RALGAPA1: variants seen among roughly 807,000 people sequenced by gnomAD.
RALGAPA1 encodes the protein Ral GTPase activating protein catalytic subunit alpha 1.
RALGAPA1 carries 52 observed loss-of-function variants against 269.6 expected under a neutral mutation model. The observed-to-expected ratio is 0.19, with a 90% CI of 0.15 to 0.24. RALGAPA1 has a LOEUF of 0.24. Among genes scored for constraint, RALGAPA1 ranks in the 10% least tolerant of loss-of-function variants. The pLI is 1.00. For synonymous variants in RALGAPA1, 817 were observed against 1,008.3 expected, an observed-to-expected ratio of 0.81 and a Z score of 3.60; for missense variants, 1,917 against 3,013.9, an observed-to-expected ratio of 0.64 and a Z score of 8.52.
chr14:35,709,764 T>C (rs1372520356), intron 16 of RALGAPA1, among the ~76,000 whole-genome samples: 2 of 152,220 alleles, frequency 1.3e-5, no homozygotes, highest in Non-Finnish European at 2.9e-5. Context: ...TAGTTCAAAA[T>C]ATTCTACAAT....
chr14:35,658,153 T>C (rs2087833152), intron 28 of RALGAPA1, among the ~76,000 whole-genome samples: 1 of 152,182 alleles, frequency 6.6e-6, no homozygotes, highest in Non-Finnish European at 1.5e-5. Context: ...AACAATATTA[T>C]ACGAAAATCC....
At chr14:35,541,876 T>C (rs1314350915) in intron 41 of RALGAPA1, 1 of 470,590 alleles carries the variant, frequency 2.1e-6, no homozygotes. Context: ...ATAACAGATA[T>C]GAGAGACACA....
At chr14:35,794,513 G>A (rs1182512950) in intron 1 of RALGAPA1, among the ~76,000 whole-genome samples, 4 of 152,226 alleles carry the variant, frequency 2.6e-5, no homozygotes, top group Admixed American at 2.0e-4. Context: ...CTGGAGTGCA[G>A]TGGCGCAGTC....
chr14:35,668,703 T>C (rs1393519822), intron 26 of RALGAPA1, among the ~76,000 whole-genome samples: 1 of 151,918 alleles, frequency 6.6e-6, no homozygotes, highest in East Asian at 1.9e-4. Flanking sequence ...CTACTTGGGA[T>C]CTGTTGTGGG....
intron 16 of RALGAPA1, among the ~76,000 whole-genome samples, chr14:35,711,507 G>A (rs1201444387): frequency 1.3e-5 from 2 of 152,172 alleles, no homozygotes; most frequent in Non-Finnish European, 2.9e-5. Context: ...GAGTGCGGTG[G>A]CATAATCTCC....
At chr14:35,628,749 T>C (rs1174364086) in intron 33 of RALGAPA1, among the ~76,000 whole-genome samples, 2 of 152,232 alleles carry the variant, frequency 1.3e-5, no homozygotes, top group African/African-American at 4.8e-5. Context: ...ATTTGCTGGA[T>C]CTACTTATAT....
At chr14:35,678,747 G>C (rs564495260) in intron 21 of RALGAPA1, among the ~76,000 whole-genome samples, 19 of 152,148 alleles carry the variant, frequency 1.2e-4, no homozygotes, top group Middle Eastern at 3.4e-3. Context: ...TCTAGTCATA[G>C]AAAGTAAACT....
chr14:35,689,398 G>C lies in RALGAPA1; in HGVS notation c.3013C>G (p.Leu1005Val). 2 of 1,232,112 alleles carry C rather than the reference G, an allele frequency of 1.6e-6. No individual in the cohort carries two copies. Among genetic ancestry groups the C allele is most frequent in the Non-Finnish European group, 2.0e-6 (2 of 987,984 alleles). The allele number at this position is 1,232,112 out of a possible 1,614,324, so 76.3% of individuals were successfully genotyped here. Residue 1005 changes from leucine (L) to valine (V), a missense_variant, in exon 18 of 42, where the codon CTA becomes GTA. Transcript: ENST00000680220. ...GAGTTTGGTTCTTTCTGAAACTGTAGGTTTTCAGGAGTCCCAACAAAAGAG... is the reference window on the plus strand; with the variant it reads ...GAGTTTGGTTCTTTCTGAAACTGTACGTTTTCAGGAGTCCCAACAAAAGAG... ...ITSFVGTPEN[L>V]QFQKEPNSAV... is the part of the protein sequence containing the mutation.
chr14:35,584,814 T>C (rs2058175287), intron 37 of RALGAPA1, among the ~76,000 whole-genome samples: 1 of 151,476 alleles, frequency 6.6e-6, no homozygotes, highest in African/African-American at 2.4e-5. Flanking sequence ...CAGACAAAAA[T>C]AGAAAACAGT....
At chr14:35,801,792 A>G (rs984661908) in intron 1 of RALGAPA1, among the ~76,000 whole-genome samples, 1 of 152,158 alleles carries the variant, frequency 6.6e-6, no homozygotes, top group Non-Finnish European at 1.5e-5. Context: ...AGTTAGGATC[A>G]TATTATACAG....
rs187004703 is a variant in RALGAPA1 at position 35,690,466 on chromosome 14, T to C, written c.2408-463A>G. Among the ~76,000 whole-genome samples, 58 of 152,360 alleles carry C rather than the reference T, an allele frequency of 3.8e-4. No homozygotes were observed. In the East Asian group the frequency reaches 5.6e-3, roughly 15 times the overall value. On this transcript the variant is annotated intron_variant, in intron 17 of 41. Coordinates refer to ENST00000680220, the MANE Select transcript of RALGAPA1 (RefSeq NM_001346249.2). The stretch of plus-strand genomic sequence containing the variant: ...TTCCTTCCCAAAAAGGCAAGAGGCA[T>C]CTTTTCTTCAAATTTTGCTTCTCTG...
At chr14:35,563,207 C>G (rs915540095) in intron 39 of RALGAPA1, among the ~76,000 whole-genome samples, 1 of 151,994 alleles carries the variant, frequency 6.6e-6, no homozygotes, top group East Asian at 1.9e-4. Flanking sequence ...TATACACACA[C>G]AGTAAGTACT....
At chr14:35,554,652 C>T (rs1007095273) in intron 39 of RALGAPA1, among the ~76,000 whole-genome samples, 2 of 152,182 alleles carry the variant, frequency 1.3e-5, no homozygotes, top group Admixed American at 1.3e-4. Flanking sequence ...GGCCTAAATA[C>T]ACTTTCTTAA....
At position 35,635,547 on chromosome 14, in the gene RALGAPA1, G is replaced by C. The variant is rs761721348; in HGVS notation, c.5728C>G (p.Leu1910Val). 8 of 1,607,802 alleles carry C rather than the reference G, an allele frequency of 5.0e-6. No individual in the cohort carries two copies. In the East Asian group the frequency reaches 1.6e-4, roughly 32 times the overall value. The change falls in exon 32 of 42, where the codon CTA becomes GTA. Residue 1910 changes from leucine to valine, a missense_variant. Leu to Val is a conservative substitution (Grantham distance 32, BLOSUM62 1). This residue lies in a region of RALGAPA1 where 346 missense variants were observed against 566.1 expected (regional missense o/e 0.61). Transcript: ENST00000680220. ...TGAAATGGTTGGAGCAGTGTCTTTAGAGGTAAGGCCATGATCCAGTCCAGA... is the reference window on the plus strand; with the variant it reads ...TGAAATGGTTGGAGCAGTGTCTTTACAGGTAAGGCCATGATCCAGTCCAGA... ...CLLDWIMALP[L>V]KTLLQPFHAT... is the part of the protein sequence containing the mutation.
chr14:35,553,522 C>T (rs1345178567), intron 39 of RALGAPA1, among the ~76,000 whole-genome samples: 4 of 152,104 alleles, frequency 2.6e-5, no homozygotes, highest in Non-Finnish European at 5.9e-5. Context: ...TTGTGAACTG[C>T]TTGTAATGTT....
chr14:35,746,895 A>T (rs1337866172), intron 10 of RALGAPA1, among the ~76,000 whole-genome samples: 2 of 151,966 alleles, frequency 1.3e-5, no homozygotes, highest in African/African-American at 2.4e-5. Context: ...TAACCACTAA[A>T]GGAAAAGGAA....
At chr14:35,578,337 A>G (rs1230930580) in intron 37 of RALGAPA1, among the ~76,000 whole-genome samples, 2 of 152,124 alleles carry the variant, frequency 1.3e-5, no homozygotes, top group East Asian at 3.8e-4. Flanking sequence ...AGGTTACGCA[A>G]TTACTTCAGG....
Position 35,677,964 on chromosome 14 carries a change from G to A in RALGAPA1, c.4610C>T (p.Thr1537Ile), listed in dbSNP as rs2065094077. Reference protein sequence around the residue: ...DEKLHHSVLQTPDDLEISEFP... With the variant: ...DEKLHHSVLQIPDDLEISEFP... ...TGAAATATTGCCTAGATCATCTGGT[G>A]TCTGAAGAACAGAGTGGTGGAGCTT... Residue 1537 changes from threonine (T) to isoleucine (I), a missense_variant, in exon 22 of 42, where the codon ACA becomes ATA. By Grantham distance (89) the Thr-to-Ile change is moderately conservative. This residue lies in a region of RALGAPA1 where 73 missense variants were observed against 190.6 expected (regional missense o/e 0.38). Coordinates refer to ENST00000680220, the MANE Select transcript of RALGAPA1 (RefSeq NM_001346249.2). The A allele has an allele frequency of 6.2e-7, 1 of 1,613,370 alleles. No homozygotes were observed. Among genetic ancestry groups the A allele is most frequent in the African/African-American group, 1.3e-5 (1 of 74,876 alleles).
In RALGAPA1 at chr14:35,741,053, C is replaced by T. The variant is rs995727752; in HGVS notation, c.1449+1315G>A. Among the ~76,000 whole-genome samples the T allele has an allele frequency of 3.3e-5, 5 of 152,148 alleles. No homozygotes were observed. The East Asian group carries it at 9.6e-4, about 29-fold the overall frequency. ...AGTGCTGGTTACACTACTTGAGTAA[C>T]GAATAGAACAAACCTACACAACATA... On this transcript the variant is annotated intron_variant, in intron 11 of 41. Transcript: ENST00000680220.
Sources: allele counts gnomAD v4.1 joint callset (sites outside exome capture counted in the v4.1 genomes callset), GRCh38; gene constraint gnomAD v4.1.1; regional missense constraint gnomAD v4.1.1; transcripts MANE v1.5; gene names NCBI Gene and HGNC (gene_info 2026-07-23, HGNC 2026-07-21).